The following PAK1IP1 variants were observed in gnomAD, a reference collection of about 807,000 sequenced individuals.
PAK1IP1 encodes PAK1 interacting protein 1.
PAK1IP1 carries 24 observed loss-of-function variants against 42.0 expected under a neutral mutation model. That is an observed-to-expected ratio of 0.57 (90% confidence interval 0.41 to 0.80). The LOEUF (loss-of-function observed/expected upper bound fraction) is 0.80, where lower values mean the gene tolerates loss of function less well. Among genes scored for constraint, PAK1IP1 ranks in the 30% least tolerant of loss-of-function variants. PAK1IP1 has a pLI of 0.00. For missense variants in PAK1IP1, 411 were observed against 467.9 expected (o/e 0.88, Z 1.12); for synonymous variants, 154 against 156.7 (o/e 0.98, Z 0.13).
chr6:10,703,402 C>T lies in PAK1IP1; in HGVS notation c.444-3C>T, dbSNP rs1283726120. The T allele has an allele frequency of 1.2e-6, 2 of 1,608,680 alleles. No homozygotes were observed. The highest frequency in any genetic ancestry group is 1.3e-5 in the African/African-American group (1 of 74,838). ...CACCGTAAGTGAGCTTCCTGTTTTG[C>T]AGAACGTGGAATCTTGTAGAAGGAA... On this transcript the variant is annotated splice_polypyrimidine_tract_variant and splice_region_variant and intron_variant, in intron 4 of 9. Transcript: ENST00000379568.
At chr6:10,694,813 C>A, upstream of PAK1IP1, 3 of 564,352 alleles carry the variant, frequency 5.3e-6, no homozygotes, top group Non-Finnish European at 9.4e-6. Flanking sequence ...GACCTCCCCG[C>A]GCTTAAAGTG....
At position 10,702,611 on chromosome 6, in the gene PAK1IP1, C is replaced by A; in HGVS notation, c.415C>A (p.Leu139Met). ...TATTCACCCATCTGGCAAGTTGGCC[C>A]TGTCGGTTGGTACAGATAAAACTTT... is the stretch of plus-strand genomic sequence containing the variant. ...LSIHPSGKLA[L>M]SVGTDKTLRT... Residue 139 changes from leucine (L) to methionine (M), a missense_variant, in exon 4 of 10, where the codon CTG (leucine) becomes ATG (methionine). Coordinates refer to ENST00000379568, the MANE Select transcript of PAK1IP1 (RefSeq NM_017906.3). 1 of 1,613,680 alleles carries A rather than the reference C, an allele frequency of 6.2e-7. No homozygotes were observed.
intron 1 of PAK1IP1, 99 bp downstream of exon 1, chr6:10,695,168 A>C: frequency 2.8e-6 from 2 of 725,496 alleles, no homozygotes. Context: ...CCTGCTGTTC[A>C]CTGGATGATT....
At chr6:10,705,396 C>CT (rs1464779954) in intron 7 of PAK1IP1, among the ~76,000 whole-genome samples, 7 of 152,118 alleles carry the variant, frequency 4.6e-5, no homozygotes, top group Non-Finnish European at 4.4e-5. Context: ...TTTTAAATGT[C>CT]TGTTAGACTT....
At chr6:10,709,187 TTCAA>T in intron 9 of PAK1IP1, 47 bp from the exon 10 acceptor site, 1 of 1,542,106 alleles carries the variant, frequency 6.5e-7, no homozygotes, top group South Asian at 1.2e-5. Flanking sequence ...GTTTATTTCA[TTCAA>T]AGGGGAAAAC....
chr6:10,708,906 G>T (rs1770291007), intron 8 of PAK1IP1, 47 bp from the exon 9 acceptor site: 3 of 1,492,058 alleles, frequency 2.0e-6, no homozygotes, highest in African/African-American at 1.4e-5. Flanking sequence ...TATGGAAAAA[G>T]AAATTATTGA....
chr6:10,699,200 CAAAAA>C (rs796680429), intron 2 of PAK1IP1, among the ~76,000 whole-genome samples: 2 of 55,392 alleles, frequency 3.6e-5, no homozygotes, highest in East Asian at 5.5e-4. Context: ...GACTCTGTCT[CAAAAA>C]AAAAAAAAAA....
intron 2 of PAK1IP1, among the ~76,000 whole-genome samples, chr6:10,701,927 A>G (rs1022840355): frequency 6.6e-6 from 1 of 152,134 alleles, no homozygotes; most frequent in Non-Finnish European, 1.5e-5. Context: ...AATTTAAGGT[A>G]TGTTTTAGTA....
intron 2 of PAK1IP1, 121 bp downstream of exon 2, chr6:10,697,607 T>A (rs542115858): frequency 4.8e-4 from 371 of 777,300 alleles, no homozygotes; most frequent in Admixed American, 1.6e-3. Flanking sequence ...AGAGGAATTT[T>A]AAAAAAAAAT....
chr6:10,700,666 A>G (rs1386813853), intron 2 of PAK1IP1, among the ~76,000 whole-genome samples: 2 of 152,198 alleles, frequency 1.3e-5, no homozygotes, highest in African/African-American at 4.8e-5. Context: ...TGGAAGAAAT[A>G]AGTTAAATTT....
chr6:10,696,877 G>C (rs2127478495), intron 1 of PAK1IP1, among the ~76,000 whole-genome samples: 1 of 152,202 alleles, frequency 6.6e-6, no homozygotes, highest in East Asian at 1.9e-4. Flanking sequence ...TCAACTGCTT[G>C]GAATAGTGCC....
chr6:10,702,272 A>T, intron 2 of PAK1IP1, 97 bp from the exon 3 acceptor site: 1 of 919,656 alleles, frequency 1.1e-6, no homozygotes, highest in Non-Finnish European at 1.7e-6. Flanking sequence ...AAAAAAAGGT[A>T]TTGAGTGTTT....
At chr6:10,694,907 T>TTG (rs1224720976), upstream of PAK1IP1, 816 of 739,682 alleles carry the variant, frequency 1.1e-3, 3 homozygotes, top group African/African-American at 0.012. Flanking sequence ...TCAGGTGTTT[T>TTG]TTTTTTTTTT....
chr6:10,692,214 G>A (rs1274260253), upstream of PAK1IP1, among the ~76,000 whole-genome samples: 1 of 152,102 alleles, frequency 6.6e-6, no homozygotes, highest in Non-Finnish European at 1.5e-5. Flanking sequence ...AAACAGATAT[G>A]TTGTGGAGTA....
rs1770315764 is a variant in PAK1IP1 at position 10,709,514 on chromosome 6, A to T, written c.*62A>T. 21 of 908,550 alleles carry T rather than the reference A, an allele frequency of 2.3e-5. No homozygotes were observed. Among genetic ancestry groups the T allele is most frequent in the Middle Eastern group, 4.0e-4 (1 of 2,478 alleles). 56.3% of individuals were successfully genotyped at this position (908,550 alleles called of 1,614,324 possible). On this transcript the variant is annotated 3_prime_UTR_variant, in exon 10 of 10. Transcript: ENST00000379568. ...AATCATTCTACTCAAATGTACCTTAATTTTTTTTTTTTCCCTGAGTAAAAG... is the reference window on the plus strand; with the variant it reads ...AATCATTCTACTCAAATGTACCTTATTTTTTTTTTTTTCCCTGAGTAAAAG...
chr6:10,702,356 G>T lies in PAK1IP1; in HGVS notation c.248-13G>T. 6.2e-7 allele frequency: 1 copy of T among 1,608,410 alleles called. No individual in the cohort carries two copies. Among genetic ancestry groups the T allele is most frequent in the Non-Finnish European group, 8.5e-7 (1 of 1,175,542 alleles). ...AATGAATATTATTTTTGCCTATTTT[G>T]GTTTTTCCATAGGTACAATAACTTG... On this transcript the variant is annotated splice_polypyrimidine_tract_variant and intron_variant, in intron 2 of 9. Coordinates refer to ENST00000379568, the MANE Select transcript of PAK1IP1 (RefSeq NM_017906.3).
intron 1 of PAK1IP1, among the ~76,000 whole-genome samples, chr6:10,696,920 A>G (rs907433024): frequency 6.6e-6 from 1 of 152,258 alleles, no homozygotes; most frequent in African/African-American, 2.4e-5. Flanking sequence ...ATTTGAAAGA[A>G]TAAATTCAAA....
intron 2 of PAK1IP1, among the ~76,000 whole-genome samples, chr6:10,697,940 T>C (rs1356813537): frequency 6.6e-6 from 1 of 151,748 alleles, no homozygotes; most frequent in Non-Finnish European, 1.5e-5. Context: ...ACGGTCTGTA[T>C]TGGGAGACAG....
chr6:10,694,907 T>G (rs907018391), upstream of PAK1IP1: 269 of 739,460 alleles, frequency 3.6e-4, no homozygotes, highest in Non-Finnish European at 3.5e-4. Context: ...TCAGGTGTTT[T>G]TTTTTTTTTT....
Sources: gnomAD v4.1 joint callset for allele counts (sites outside exome capture counted in the v4.1 genomes callset) on GRCh38, gnomAD v4.1.1 for gene constraint, MANE v1.5 for transcripts, NCBI Gene and HGNC (gene_info 2026-07-23, HGNC 2026-07-21) for gene names.